Variants in GRAMD1B observed in about 807,000 individuals in gnomAD.
GRAMD1B encodes the protein GRAM domain containing 1B, also known as protein Aster-B.
A neutral mutation model predicts 99.7 loss-of-function variants in GRAMD1B; 37 were observed. The observed-to-expected ratio is 0.37, with a 90% CI of 0.29 to 0.49. The LOEUF is 0.49. Among genes scored for constraint, GRAMD1B ranks in the 20% least tolerant of loss-of-function variants. GRAMD1B has a pLI of 0.98. For synonymous variants in GRAMD1B, 427 were observed against 387.6 expected (o/e 1.10, Z -1.19); for missense variants, 888 against 1,009.2 (o/e 0.88, Z 1.63).
chr11:123,407,715 C>T (rs548743728), intron 1 of GRAMD1B, among the ~76,000 whole-genome samples: 4 of 152,336 alleles, frequency 2.6e-5, no homozygotes, highest in South Asian at 4.1e-4. Context: ...ATCAAATTGA[C>T]AGGCTTAGGC....
chr11:123,400,497 T>C (rs1565474600), intron 1 of GRAMD1B, among the ~76,000 whole-genome samples: 1 of 152,102 alleles, frequency 6.6e-6, no homozygotes. Context: ...AGAAAATAAA[T>C]ATATAGAAAT....
chr11:123,602,370 T>A (rs12361139), intron 8 of GRAMD1B, among the ~76,000 whole-genome samples: 1 of 151,914 alleles, frequency 6.6e-6, no homozygotes, highest in Admixed American at 6.6e-5. Flanking sequence ...ATTTTTTATA[T>A]TTTTAAATTT....
intron 1 of GRAMD1B, among the ~76,000 whole-genome samples, chr11:123,372,171 C>T (rs1446246973): frequency 6.6e-6 from 1 of 152,196 alleles, no homozygotes; most frequent in Non-Finnish European, 1.5e-5. Context: ...TTACCCAGCA[C>T]TTCAATTTAG....
At chr11:123,569,886 C>T (rs895589586) in intron 2 of GRAMD1B, among the ~76,000 whole-genome samples, 27 of 152,326 alleles carry the variant, frequency 1.8e-4, no homozygotes, top group African/African-American at 5.3e-4. Context: ...TGGGCCTTCG[C>T]GCCAATGGTA....
intron 12 of GRAMD1B, 141 bp downstream of exon 12, chr11:123,608,943 C>G: frequency 1.5e-6 from 1 of 651,334 alleles, no homozygotes; most frequent in South Asian, 2.0e-5. Context: ...CAGACACCCT[C>G]TCTCCAGCCT....
At chr11:123,576,211 G>A (rs904725419) in intron 2 of GRAMD1B, among the ~76,000 whole-genome samples, 1 of 152,210 alleles carries the variant, frequency 6.6e-6, no homozygotes, top group Non-Finnish European at 1.5e-5. Flanking sequence ...GCAAATGACA[G>A]TGTCCCCAGC....
At position 123,610,711 on chromosome 11, in the gene GRAMD1B, C is replaced by G. The variant is rs1953424479; in HGVS notation, c.1919+373C>G. On this transcript the variant is annotated intron_variant, in intron 14 of 19. Coordinates refer to ENST00000635736, the MANE Select transcript of GRAMD1B (RefSeq NM_001387025.1). The surrounding 1 kb of genome is among the most constrained non-coding windows in gnomAD (Gnocchi z 4.1). ...TGAGTTCAGGAACTTTGCCAAGAGT[C>G]ATGTCTTTAGTAAGCACTGAAACCC... is the stretch of plus-strand genomic sequence containing the variant. Among the ~76,000 whole-genome samples, 1 of 152,182 alleles carries G rather than the reference C, an allele frequency of 6.6e-6. No homozygotes were observed. The highest frequency in any genetic ancestry group is 2.4e-5 in the African/African-American group (1 of 41,454).
chr11:123,485,790 C>T (rs957607024), intron 2 of GRAMD1B, among the ~76,000 whole-genome samples: 13 of 150,440 alleles, frequency 8.6e-5, no homozygotes, highest in African/African-American at 2.2e-4. Context: ...TCTTGGCTCA[C>T]GGTAACCTCC....
Position 123,610,103 on chromosome 11 carries a change from G to T in GRAMD1B, c.1777-93G>T, listed in dbSNP as rs1042456541. On this transcript the variant is annotated intron_variant, in intron 13 of 19. Transcript: ENST00000635736. This position sits in a 1 kb window ranked among gnomAD's most constrained non-coding sequence, Gnocchi z 4.1. ...CCTGGTTCTCCTGTTCAGAAGCCGT[G>T]GGGTGGGGTGGGCTTGGGGAGGCTG... 8.5e-7 allele frequency: 1 copy of T among 1,180,366 alleles called. No individual in the cohort carries two copies. Among genetic ancestry groups the T allele is most frequent in the African/African-American group, 1.5e-5 (1 of 66,486 alleles). The allele number at this position is 1,180,366 out of a possible 1,614,324, so 73.1% of individuals were successfully genotyped here.
At chr11:123,544,214 C>A (rs963075178) in intron 2 of GRAMD1B, among the ~76,000 whole-genome samples, 2 of 152,168 alleles carry the variant, frequency 1.3e-5, no homozygotes, top group Non-Finnish European at 2.9e-5. Context: ...GCCCTAATAA[C>A]AGACAGTATT....
Position 123,504,839 on chromosome 11 carries a change from G to T in GRAMD1B, c.452+23946G>T, listed in dbSNP as rs146173602. On this transcript the variant is annotated intron_variant, in intron 2 of 19. Coordinates refer to ENST00000635736, the MANE Select transcript of GRAMD1B (RefSeq NM_001387025.1). ...TGGAATCACAGGCGTGCACCACCAG[G>T]CCCAGCTAATTTTTGTATTTTTAGT... 6.1e-3 allele frequency among the ~76,000 whole-genome samples: 933 copies of T among 152,104 alleles called. 8 individuals are homozygous for T. Among genetic ancestry groups the T allele is most frequent in the African/African-American group, 0.022 (901 of 41,496 alleles).
intron 2 of GRAMD1B, among the ~76,000 whole-genome samples, chr11:123,575,508 T>C (rs1234708429): frequency 6.6e-6 from 1 of 152,182 alleles, no homozygotes; most frequent in African/African-American, 2.4e-5. Flanking sequence ...GAGCAAACTA[T>C]TATAGTTGGG....
intron 19 of GRAMD1B, chr11:123,619,623 C>T: frequency 1.4e-6 from 1 of 714,296 alleles, no homozygotes; most frequent in Non-Finnish European, 1.9e-6. Context: ...TTACCGCCCC[C>T]TCCTCTGACA....
intron 1 of GRAMD1B, 127 bp from the exon 2 acceptor site, chr11:123,480,689 C>T (rs1174970070): frequency 2.0e-5 from 8 of 393,996 alleles, no homozygotes; most frequent in Non-Finnish European, 3.6e-5. Flanking sequence ...GCTAGACTTA[C>T]TTGGGGGAAC....
chr11:123,502,994 C>A (rs34477248), intron 2 of GRAMD1B, among the ~76,000 whole-genome samples: 27,315 of 152,018 alleles, frequency 0.18, 2,747 homozygotes, highest in Admixed American at 0.25. Flanking sequence ...CTTTCTGCCA[C>A]TTCCCATCAT....
At chr11:123,563,221 G>A (rs890490257) in intron 2 of GRAMD1B, among the ~76,000 whole-genome samples, 1 of 152,176 alleles carries the variant, frequency 6.6e-6, no homozygotes, top group African/African-American at 2.4e-5. Flanking sequence ...GGAAGCCACA[G>A]GAAACAGTTT....
intron 7 of GRAMD1B, among the ~76,000 whole-genome samples, chr11:123,597,410 G>A (rs2136638794): frequency 6.6e-6 from 1 of 151,954 alleles, no homozygotes; most frequent in Non-Finnish European, 1.5e-5. Flanking sequence ...TTTCTTTATG[G>A]AACTATAAAG....
intron 2 of GRAMD1B, among the ~76,000 whole-genome samples, chr11:123,489,769 G>A (rs975937866): frequency 2.6e-5 from 4 of 152,212 alleles, no homozygotes; most frequent in Non-Finnish European, 5.9e-5. Context: ...TTTTAATATG[G>A]AGAGACATAA....
chr11:123,465,725 C>T (rs1185162091), intron 1 of GRAMD1B, among the ~76,000 whole-genome samples: 2 of 150,174 alleles, frequency 1.3e-5, no homozygotes, highest in East Asian at 3.9e-4. Flanking sequence ...GCTGAGATCA[C>T]ACCACTGTAC....
Sources: gnomAD v4.1 joint callset for allele counts (sites outside exome capture counted in the v4.1 genomes callset) on GRCh38, gnomAD v4.1.1 for gene constraint, Gnocchi (gnomAD v3.1) non-coding constraint, MANE v1.5 for transcripts, NCBI Gene and HGNC (gene_info 2026-07-23, HGNC 2026-07-21) for gene names.